FHIT: variants seen among roughly 807,000 people sequenced by gnomAD.
FHIT encodes bis(5'-adenosyl)-triphosphatase.
Under a neutral mutation model 17.9 loss-of-function variants are expected in FHIT, and 19 were observed. The ratio of observed to expected loss-of-function variants is 1.06; its 90% CI spans 0.74 to 1.56. The LOEUF is 1.56. Ranked by LOEUF, FHIT falls within the 40% of genes most tolerant of loss-of-function variation. The pLI is 0.00. For missense variants in FHIT, 248 were observed against 189.2 expected (o/e 1.31, Z -1.82); for synonymous variants, 81 against 69.7 (o/e 1.16, Z -0.81).
At chr3:60,062,065 C>A (rs1278430668) in intron 5 of FHIT, among the ~76,000 whole-genome samples, 1 of 152,128 alleles carries the variant, frequency 6.6e-6, no homozygotes, top group Non-Finnish European at 1.5e-5. Flanking sequence ...TTCTTTCTAA[C>A]ATCATGAATT....
intron 4 of FHIT, among the ~76,000 whole-genome samples, chr3:60,619,604 A>C (rs1474620304): frequency 1.6e-3 from 46 of 28,022 alleles, no homozygotes; most frequent in African/African-American, 6.1e-3. Flanking sequence ...CACATGCAAA[A>C]AAAAAAAAAA....
At chr3:60,556,840 G>A (rs930877680) in intron 4 of FHIT, among the ~76,000 whole-genome samples, 3 of 152,226 alleles carry the variant, frequency 2.0e-5, no homozygotes, top group Non-Finnish European at 2.9e-5. Flanking sequence ...GTTGAACACT[G>A]TCTAGGAAAT....
intron 5 of FHIT, among the ~76,000 whole-genome samples, chr3:60,075,424 T>C (rs901890961): frequency 1.1e-4 from 17 of 152,150 alleles, no homozygotes; most frequent in Admixed American, 6.6e-4. Context: ...CAAGTGCTCA[T>C]TGTATCATTT....
intron 8 of FHIT, among the ~76,000 whole-genome samples, chr3:59,915,148 G>T (rs1240485549): frequency 1.3e-5 from 2 of 152,122 alleles, no homozygotes; most frequent in African/African-American, 4.8e-5. Context: ...CTCGGAGGAG[G>T]CATTTTCCTC....
chr3:60,050,335 C>G lies in FHIT; in HGVS notation c.104-36183G>C, dbSNP rs1259721488. On this transcript the variant is annotated intron_variant, in intron 5 of 9. Coordinates refer to ENST00000492590, the MANE Select transcript of FHIT (RefSeq NM_002012.4). ...TTTACCTTTATTATTTCAAGAAATT[C>G]TACCCTAGTAAGAAATTGTGAAGAA... Among the ~76,000 whole-genome samples, 7 of 152,138 alleles carry G rather than the reference C, an allele frequency of 4.6e-5. No individual in the cohort carries two copies. The East Asian group carries it at 1.2e-3, about 25-fold the overall frequency.
At chr3:60,491,703 A>G (rs904026520) in intron 5 of FHIT, among the ~76,000 whole-genome samples, 2 of 152,212 alleles carry the variant, frequency 1.3e-5, no homozygotes, top group East Asian at 3.8e-4. Flanking sequence ...ATTTTTAGCC[A>G]TGGATTTAAA....
intron 3 of FHIT, among the ~76,000 whole-genome samples, chr3:60,924,492 A>G (rs1034735381): frequency 5.3e-5 from 8 of 152,214 alleles, no homozygotes; most frequent in Admixed American, 5.2e-4. Context: ...CCTGCAGCTG[A>G]GAGTCCTGAC....
At chr3:59,987,983 T>G (rs1459585534) in intron 7 of FHIT, among the ~76,000 whole-genome samples, 1 of 151,968 alleles carries the variant, frequency 6.6e-6, no homozygotes, top group African/African-American at 2.4e-5. Flanking sequence ...AAATGCCTCA[T>G]GTAGATCCTT....
chr3:61,191,104 A>T (rs9868836), intron 2 of FHIT, among the ~76,000 whole-genome samples: 61,403 of 151,732 alleles, frequency 0.4, 13,129 homozygotes, highest in East Asian at 0.8. Context: ...AAATAAAAAA[A>T]GAAATTTTCC....
At chr3:59,960,957 T>C (rs537133558) in intron 7 of FHIT, among the ~76,000 whole-genome samples, 1 of 152,336 alleles carries the variant, frequency 6.6e-6, no homozygotes, top group South Asian at 2.1e-4. Flanking sequence ...TAAATTTGAA[T>C]AGTGCACTCA....
At chr3:59,907,016 T>C (rs943356296) in intron 8 of FHIT, among the ~76,000 whole-genome samples, 5 of 152,330 alleles carry the variant, frequency 3.3e-5, no homozygotes, top group Middle Eastern at 3.4e-3. Flanking sequence ...TTTAGTGTCA[T>C]AGAATCACAA....
chr3:60,457,977 T>A (rs144215528), intron 5 of FHIT, among the ~76,000 whole-genome samples: 16,488 of 152,154 alleles, frequency 0.11, 1,342 homozygotes, highest in East Asian at 0.38. Context: ...ACTTTTACAC[T>A]GTTGGTAGGA....
intron 5 of FHIT, among the ~76,000 whole-genome samples, chr3:60,071,470 G>T (rs1339809699): frequency 6.6e-6 from 1 of 152,116 alleles, no homozygotes; most frequent in Non-Finnish European, 1.5e-5. Flanking sequence ...ACTATAACAA[G>T]CATTTCCCCC....
At chr3:60,513,085 G>A (rs150314060) in intron 5 of FHIT, among the ~76,000 whole-genome samples, 2 of 152,236 alleles carry the variant, frequency 1.3e-5, no homozygotes, top group East Asian at 3.9e-4. Context: ...CCTTATTCTT[G>A]GAAAATGCAA....
intron 8 of FHIT, among the ~76,000 whole-genome samples, chr3:59,885,441 CTTT>C (rs60795525): frequency 4.4e-5 from 6 of 135,966 alleles, no homozygotes; most frequent in African/African-American, 5.4e-5. Context: ...CTACCTGATG[CTTT>C]TTTTTTTTTT....
chr3:60,614,406 C>T (rs1049641544), intron 4 of FHIT, among the ~76,000 whole-genome samples: 5 of 152,124 alleles, frequency 3.3e-5, no homozygotes, highest in Non-Finnish European at 7.4e-5. Context: ...GAGTTTGAGA[C>T]CAGCCTGGCC....
intron 2 of FHIT, among the ~76,000 whole-genome samples, chr3:61,042,411 C>A (rs2033562656): frequency 1.3e-5 from 2 of 152,164 alleles, no homozygotes; most frequent in East Asian, 1.9e-4. Context: ...CAGTATGGAA[C>A]CTCGGAGGTA....
At chr3:61,078,491 C>A (rs1336512007) in intron 2 of FHIT, among the ~76,000 whole-genome samples, 1 of 152,118 alleles carries the variant, frequency 6.6e-6, no homozygotes, top group South Asian at 2.1e-4. Flanking sequence ...TACACAGGCA[C>A]CCGATAGTCA....
At chr3:60,482,263 C>T (rs182691358) in intron 5 of FHIT, among the ~76,000 whole-genome samples, 81 of 152,178 alleles carry the variant, frequency 5.3e-4, no homozygotes, top group Admixed American at 1.1e-3. Flanking sequence ...ATTAGATCAA[C>T]AAGACAGAAA....
Sources: allele counts gnomAD v4.1 joint callset (sites outside exome capture counted in the v4.1 genomes callset), GRCh38; gene constraint gnomAD v4.1.1; transcripts MANE v1.5; gene names NCBI Gene and HGNC (gene_info 2026-07-23, HGNC 2026-07-21).